IFTAP: variants seen among roughly 807,000 people sequenced by gnomAD.
The protein encoded by IFTAP is intraflagellar transport-associated protein.
In IFTAP, 19 loss-of-function variants were observed where a neutral mutation model predicts 19.4. The ratio of observed to expected loss-of-function variants is 0.98; its 90% CI spans 0.68 to 1.44. The LOEUF (loss-of-function observed/expected upper bound fraction) is 1.44, where lower values mean the gene tolerates loss of function less well. Ranked by LOEUF, IFTAP falls within the 40% of genes most tolerant of loss-of-function variation. The pLI, the probability that IFTAP is intolerant of heterozygous loss-of-function variation, is 0.00. For missense variants in IFTAP, 240 were observed against 253.6 expected (o/e 0.95, Z 0.36); for synonymous variants, 85 against 83.5 (o/e 1.02, Z -0.10).
intron 5 of IFTAP, among the ~76,000 whole-genome samples, chr11:36,654,895 G>A (rs1178041972): frequency 6.6e-6 from 1 of 152,028 alleles, no homozygotes; most frequent in African/African-American, 2.4e-5. Context: ...TCTGGCTCCA[G>A]GCTTATCCCA....
chr11:36,618,527 C>T (rs1005325271), intron 2 of IFTAP, among the ~76,000 whole-genome samples: 6 of 151,956 alleles, frequency 3.9e-5, no homozygotes, highest in African/African-American at 1.4e-4. Flanking sequence ...GTGTCTAAAG[C>T]AGTGCCTGGT....
intron 1 of IFTAP, among the ~76,000 whole-genome samples, chr11:36,609,267 T>C (rs891470596): frequency 1.3e-5 from 2 of 152,124 alleles, no homozygotes; most frequent in African/African-American, 4.8e-5. Flanking sequence ...GTGAATGAAA[T>C]GAGAAGATTG....
rs373342259 is a variant in IFTAP at position 36,655,504 on chromosome 11, C to G, written c.499-3515C>G. 1.2e-3 allele frequency among the ~76,000 whole-genome samples: 187 copies of G among 152,212 alleles called. 1 individual carries two copies. The South Asian group carries it at 0.026, about 21-fold the overall frequency. ...GGTCTTCATCTTTGTATCCCCAGCA[C>G]CTAACACAGTGACTAGAATTTAATA... On this transcript the variant is annotated intron_variant, in intron 5 of 5. Coordinates refer to ENST00000334307, the MANE Select transcript of IFTAP (RefSeq NM_138787.4).
At chr11:36,599,524 G>A (rs1296658078) in intron 1 of IFTAP, among the ~76,000 whole-genome samples, 2 of 152,260 alleles carry the variant, frequency 1.3e-5, no homozygotes, top group African/African-American at 4.8e-5. Flanking sequence ...GGATTAAAAT[G>A]TCTATAGAAT....
At chr11:36,613,773 G>T (rs144164344) in intron 2 of IFTAP, among the ~76,000 whole-genome samples, 1 of 152,186 alleles carries the variant, frequency 6.6e-6, no homozygotes, top group African/African-American at 2.4e-5. Context: ...GCCTCCATTG[G>T]TGATGGTTCT....
intron 2 of IFTAP, among the ~76,000 whole-genome samples, chr11:36,614,007 C>A (rs1590205681): frequency 6.6e-6 from 1 of 151,366 alleles, no homozygotes; most frequent in Non-Finnish European, 1.5e-5. Flanking sequence ...CATGCTGGTG[C>A]ACTGCACCCA....
chr11:36,642,052 C>G (rs980327587), intron 4 of IFTAP, among the ~76,000 whole-genome samples: 40 of 152,042 alleles, frequency 2.6e-4, no homozygotes, highest in African/African-American at 9.4e-4. Flanking sequence ...CTCTTTTGAT[C>G]TTTGTTGGTT....
rs183683536 is a variant in IFTAP, at chr11:36,620,256, G to A, written c.136+10017G>A. Among the ~76,000 whole-genome samples, 430 of 151,990 alleles carry A rather than the reference G, an allele frequency of 2.8e-3. 2 individuals carry two copies. In the Middle Eastern group the frequency reaches 0.054, roughly 19 times the overall value. ...TCAAACATCACATAGAACACTGAAGGAAAAAAATATTGAATGAAGTGAACT... is the reference window on the plus strand; with the variant it reads ...TCAAACATCACATAGAACACTGAAGAAAAAAAATATTGAATGAAGTGAACT... On this transcript the variant is annotated intron_variant, in intron 2 of 5. Coordinates refer to ENST00000334307, the MANE Select transcript of IFTAP (RefSeq NM_138787.4).
intron 5 of IFTAP, among the ~76,000 whole-genome samples, chr11:36,649,409 A>C (rs1054804429): frequency 6.6e-6 from 1 of 152,118 alleles, no homozygotes; most frequent in Non-Finnish European, 1.5e-5. Context: ...TAAAATTATA[A>C]GACTATTTCT....
intron 2 of IFTAP, among the ~76,000 whole-genome samples, chr11:36,619,819 C>G (rs1189410935): frequency 1.3e-5 from 2 of 151,934 alleles, no homozygotes; most frequent in African/African-American, 2.4e-5. Flanking sequence ...CAGTGCCTTT[C>G]TGTTTCCTTT....
chr11:36,646,669 A>G (rs1853498424), intron 4 of IFTAP, among the ~76,000 whole-genome samples: 1 of 152,174 alleles, frequency 6.6e-6, no homozygotes, highest in African/African-American at 2.4e-5. Flanking sequence ...GGATAAGAGC[A>G]TGGGCTCTGT....
chr11:36,613,763 G>A (rs979292098), intron 2 of IFTAP, among the ~76,000 whole-genome samples: 1 of 152,008 alleles, frequency 6.6e-6, no homozygotes, highest in Non-Finnish European at 1.5e-5. Flanking sequence ...ATGTTAAAAT[G>A]CCTCCATTGG....
rs372066528 is a variant in IFTAP, at chr11:36,628,733, A to G, written c.137-4551A>G. Among the ~76,000 whole-genome samples the G allele has an allele frequency of 1.2e-4, 18 of 151,286 alleles. 2 individuals are homozygous for G. Among genetic ancestry groups the G allele is most frequent in the African/African-American group, 3.7e-4 (15 of 40,594 alleles). ...ATTTTTCTCTCTGTAAGTGCCTAAC[A>G]CTGGACATTTCAAAAGTTTCAACTT... On this transcript the variant is annotated intron_variant, in intron 2 of 5. Transcript: ENST00000334307.
chr11:36,658,910 G>A (rs986330288), intron 5 of IFTAP, 109 bp from the exon 6 acceptor site: 96 of 774,490 alleles, frequency 1.2e-4, no homozygotes, highest in Admixed American at 1.8e-4. Flanking sequence ...TGAGAGTGCT[G>A]AAGTCTGAAA....
intron 5 of IFTAP, 82 bp downstream of exon 5, chr11:36,648,237 G>C: frequency 6.8e-7 from 1 of 1,462,318 alleles, no homozygotes; most frequent in South Asian, 1.4e-5. Context: ...GCATGCTTCT[G>C]TATTTTTCTA....
At chr11:36,600,574 C>T (rs1406783832) in intron 1 of IFTAP, among the ~76,000 whole-genome samples, 2 of 152,142 alleles carry the variant, frequency 1.3e-5, no homozygotes, top group Non-Finnish European at 2.9e-5. Flanking sequence ...TTGTCCTCCA[C>T]GAAACTAGTC....
intron 2 of IFTAP, among the ~76,000 whole-genome samples, chr11:36,620,109 T>C (rs1403232485): frequency 1.3e-5 from 2 of 152,050 alleles, no homozygotes; most frequent in African/African-American, 4.8e-5. Context: ...TTAAAGCTTT[T>C]TATTGATGTG....
At chr11:36,643,834 T>C (rs1318115812) in intron 4 of IFTAP, among the ~76,000 whole-genome samples, 2 of 152,098 alleles carry the variant, frequency 1.3e-5, no homozygotes, top group Admixed American at 1.3e-4. Context: ...TTACACCTTG[T>C]ACAAAAATTA....
At chr11:36,658,239 C>T (rs1169126684) in intron 5 of IFTAP, among the ~76,000 whole-genome samples, 1 of 152,178 alleles carries the variant, frequency 6.6e-6, no homozygotes, top group African/African-American at 2.4e-5. Context: ...TGGATGATTT[C>T]ATTGTATCAC....
Sources: allele counts gnomAD v4.1 joint callset (sites outside exome capture counted in the v4.1 genomes callset), GRCh38; gene constraint gnomAD v4.1.1; transcripts MANE v1.5; gene names NCBI Gene and HGNC (gene_info 2026-07-23, HGNC 2026-07-21).